The following RGS6 variants were observed in gnomAD, a reference collection of about 807,000 sequenced individuals.
RGS6 encodes the protein regulator of G-protein signaling 6.
RGS6 carries 30 observed loss-of-function variants against 78.5 expected under a neutral mutation model. That is an observed-to-expected ratio of 0.38 (90% confidence interval 0.29 to 0.52). The LOEUF (loss-of-function observed/expected upper bound fraction) is 0.52. Ranked by LOEUF, RGS6 falls within the 20% of genes least tolerant of loss-of-function variation. RGS6 has a pLI of 0.85. For synonymous variants in RGS6, 206 were observed against 206.0 expected (o/e 1.00, Z 0.00); for missense variants, 495 against 609.7 (o/e 0.81, Z 1.98).
At chr14:72,414,562 C>G (rs991247106) in intron 3 of RGS6, among the ~76,000 whole-genome samples, 1 of 152,216 alleles carries the variant, frequency 6.6e-6, no homozygotes. Flanking sequence ...TCTCTCAACT[C>G]GTCAAAGTCA....
At chr14:72,201,055 T>C (rs1241347403) in intron 2 of RGS6, among the ~76,000 whole-genome samples, 1 of 151,926 alleles carries the variant, frequency 6.6e-6, no homozygotes, top group African/African-American at 2.4e-5. Flanking sequence ...GAGTTGGCAT[T>C]GCTCACCCTC....
intron 2 of RGS6, among the ~76,000 whole-genome samples, chr14:71,975,261 C>G (rs1204190220): frequency 6.6e-6 from 1 of 152,140 alleles, no homozygotes; most frequent in East Asian, 1.9e-4. Flanking sequence ...CTGTCATTGT[C>G]TCTTGGCTTT....
At chr14:72,026,527 ACTTCAGCCCATCAGGGATG>A (rs1432515723) in intron 2 of RGS6, among the ~76,000 whole-genome samples, 1 of 152,214 alleles carries the variant, frequency 6.6e-6, no homozygotes, top group Non-Finnish European at 1.5e-5. Context: ...TCAAATCCTT[ACTTCAGCCCATCAGGGATG>A]CAGTTTCCAG....
At chr14:72,254,207 A>G (rs1414163861) in intron 2 of RGS6, among the ~76,000 whole-genome samples, 2 of 152,208 alleles carry the variant, frequency 1.3e-5, no homozygotes, top group Non-Finnish European at 2.9e-5. Flanking sequence ...AAATCTGTTA[A>G]TAGTTTGATT....
chr14:72,038,003 C>T (rs2091950810), intron 2 of RGS6, among the ~76,000 whole-genome samples: 1 of 124,818 alleles, frequency 8.0e-6, no homozygotes, highest in Admixed American at 7.6e-5. Context: ...TTGAGGCTCG[C>T]TCTGTTGCCC....
At chr14:71,926,807 C>CAT in the RGS6 span, among the ~76,000 whole-genome samples, 1 of 152,078 alleles carries the variant, frequency 6.6e-6, no homozygotes, top group South Asian at 2.1e-4. Flanking sequence ...TACCTGTGGT[C>CAT]ATATATGACT....
At chr14:71,992,435 C>G (rs150658752) in intron 2 of RGS6, among the ~76,000 whole-genome samples, 1 of 149,740 alleles carries the variant, frequency 6.7e-6, no homozygotes, top group East Asian at 1.9e-4. Flanking sequence ...CCTTACTCTG[C>G]GCTTGCAACA....
chr14:72,542,915 T>C (rs1466364519), intron 17 of RGS6, among the ~76,000 whole-genome samples: 1 of 151,520 alleles, frequency 6.6e-6, no homozygotes, highest in Non-Finnish European at 1.5e-5. Context: ...ATATGGTTCA[T>C]GGAAGCTTTT....
At chr14:72,523,545 T>C (rs1162705452) in intron 15 of RGS6, among the ~76,000 whole-genome samples, 1 of 152,146 alleles carries the variant, frequency 6.6e-6, no homozygotes, top group Non-Finnish European at 1.5e-5. Flanking sequence ...GGGTGCAGCC[T>C]CTCTCCAATG....
intron 2 of RGS6, among the ~76,000 whole-genome samples, chr14:71,994,153 C>T (rs1197658837): frequency 6.6e-6 from 1 of 151,992 alleles, no homozygotes; most frequent in Non-Finnish European, 1.5e-5. Flanking sequence ...TTGTACTTTC[C>T]TTTCCTTTCC....
chr14:72,121,834 C>G (rs2096060206), intron 2 of RGS6, among the ~76,000 whole-genome samples: 1 of 152,080 alleles, frequency 6.6e-6, no homozygotes, highest in Non-Finnish European at 1.5e-5. Context: ...TCTTTGTGTT[C>G]CCAGTGTCTG....
At chr14:71,901,858 A>G in the RGS6 span, among the ~76,000 whole-genome samples, 9 of 152,350 alleles carry the variant, frequency 5.9e-5, no homozygotes, top group South Asian at 1.9e-3. Flanking sequence ...TTCCATGCCA[A>G]TGATTGGTTT....
chr14:72,248,839 G>T (rs1048181359), intron 2 of RGS6, among the ~76,000 whole-genome samples: 3 of 152,194 alleles, frequency 2.0e-5, no homozygotes, highest in African/African-American at 7.2e-5. Flanking sequence ...TAACCTACAG[G>T]TTGAGAGTTA....
chr14:72,432,474 G>A lies in RGS6; in HGVS notation c.185-22054G>A, dbSNP rs1402051569. On this transcript the variant is annotated intron_variant, in intron 3 of 17. Transcript: ENST00000553525. Reference sequence around the variant, plus strand: ...TCCATGCACAAGAGAAGAGACAGTGGAGAAGATAAGACATGCAAGAGGAAG... The same window carrying A: ...TCCATGCACAAGAGAAGAGACAGTGAAGAAGATAAGACATGCAAGAGGAAG... Among the ~76,000 whole-genome samples, 4 of 152,220 alleles carry A rather than the reference G, an allele frequency of 2.6e-5. No individual in the cohort carries two copies. In the East Asian group the frequency reaches 7.7e-4, roughly 29 times the overall value.
At chr14:72,269,565 A>AC (rs79295612) in intron 2 of RGS6, among the ~76,000 whole-genome samples, 80,028 of 135,834 alleles carry the variant, frequency 0.59, 23,381 homozygotes, top group East Asian at 0.64. Flanking sequence ...AACCTATCTT[A>AC]AATTTTTTTT....
intron 2 of RGS6, among the ~76,000 whole-genome samples, chr14:72,020,953 A>AG: frequency 6.6e-6 from 1 of 152,148 alleles, no homozygotes; most frequent in East Asian, 1.9e-4. Context: ...CTGTCTGATA[A>AG]GGGGGTATTT....
chr14:72,343,978 G>T (rs936531063), intron 2 of RGS6, among the ~76,000 whole-genome samples: 6 of 152,172 alleles, frequency 3.9e-5, no homozygotes, highest in African/African-American at 1.2e-4. Flanking sequence ...GCCATCTGCG[G>T]TCAGAGATTC....
chr14:72,072,298 G>A (rs2094435261), intron 2 of RGS6, among the ~76,000 whole-genome samples: 1 of 151,220 alleles, frequency 6.6e-6, no homozygotes, highest in African/African-American at 2.4e-5. Context: ...TTGTTTGTGT[G>A]TGTGTAGTTT....
At chr14:72,485,525 A>G (rs1275091364) in intron 12 of RGS6, among the ~76,000 whole-genome samples, 1 of 152,174 alleles carries the variant, frequency 6.6e-6, no homozygotes, top group East Asian at 1.9e-4. Flanking sequence ...TAATCTGTAC[A>G]CTACCAGGAA....
Sources: allele counts gnomAD v4.1 joint callset (sites outside exome capture counted in the v4.1 genomes callset), GRCh38; gene constraint gnomAD v4.1.1; transcripts MANE v1.5; gene names NCBI Gene and HGNC (gene_info 2026-07-23, HGNC 2026-07-21).